EPHA5: variants seen among roughly 807,000 people sequenced by gnomAD.
EPHA5 encodes ephrin type-A receptor 5.
A neutral mutation model predicts 105.0 loss-of-function variants in EPHA5; 60 were observed. That is an observed-to-expected ratio of 0.57 (90% CI 0.46 to 0.71). EPHA5 has a LOEUF of 0.71. Ranked by LOEUF, EPHA5 falls within the 30% of genes least tolerant of loss-of-function variation. The pLI, the probability that EPHA5 is intolerant of heterozygous loss-of-function variation, is 0.00. For missense variants in EPHA5, 1,218 were observed against 1,274.7 expected (o/e 0.96, Z 0.68); for synonymous variants, 513 against 449.1 (o/e 1.14, Z -1.80).
intron 3 of EPHA5, among the ~76,000 whole-genome samples, chr4:65,548,900 G>A (rs1371429646): frequency 2.0e-5 from 3 of 152,108 alleles, no homozygotes; most frequent in African/African-American, 4.8e-5. Context: ...TTGGGACTTA[G>A]GGAACTTGGA....
intron 3 of EPHA5, among the ~76,000 whole-genome samples, chr4:65,520,489 AC>A (rs1734581541): frequency 1.3e-5 from 2 of 152,198 alleles, no homozygotes; most frequent in South Asian, 4.1e-4. Context: ...TGTCTAAAAC[AC>A]CAAAAGCAAT....
chr4:65,444,987 A>C (rs191797188), intron 5 of EPHA5, among the ~76,000 whole-genome samples: 1 of 152,236 alleles, frequency 6.6e-6, no homozygotes, highest in East Asian at 1.9e-4. Flanking sequence ...GCAAAGAAAT[A>C]AATAGTATTG....
chr4:65,429,652 C>T (rs1301307737), intron 5 of EPHA5, among the ~76,000 whole-genome samples: 1 of 151,980 alleles, frequency 6.6e-6, no homozygotes, highest in African/African-American at 2.4e-5. Flanking sequence ...AAATGAACAA[C>T]AGAATAATTT....
In EPHA5 at chr4:65,669,955, G is replaced by T; in HGVS notation, c.-213C>A. 1.5e-6 allele frequency: 1 copy of T among 654,372 alleles called. No homozygotes were observed. The highest frequency in any genetic ancestry group is 2.2e-6 in the Non-Finnish European group (1 of 461,160). 40.5% of individuals were successfully genotyped at this position (654,372 alleles called of 1,614,324 possible). ...CTCCTCTCGCCTCCCCCTTTGGTGG[G>T]GTTAAATGAAATATTAGTTCTGGTT... On this transcript the variant is annotated 5_prime_UTR_variant, in exon 1 of 17. Coordinates refer to ENST00000613740, the MANE Select transcript of EPHA5 (RefSeq NM_001281766.3).
chr4:65,493,517 A>G (rs1005297500), intron 4 of EPHA5, among the ~76,000 whole-genome samples: 1 of 152,198 alleles, frequency 6.6e-6, no homozygotes, highest in African/African-American at 2.4e-5. Context: ...TATTTGTGGT[A>G]TTATGAATGC....
intron 8 of EPHA5, among the ~76,000 whole-genome samples, chr4:65,402,019 G>A (rs1721889963): frequency 6.6e-6 from 1 of 152,066 alleles, no homozygotes; most frequent in Non-Finnish European, 1.5e-5. Flanking sequence ...CACATGTCAA[G>A]GGAGAGACCA....
intron 16 of EPHA5, among the ~76,000 whole-genome samples, chr4:65,330,008 G>T (rs1395187477): frequency 6.6e-6 from 1 of 151,338 alleles, no homozygotes; most frequent in African/African-American, 2.4e-5. Context: ...GCCTGGAGTT[G>T]CCCCAAAAAC....
chr4:65,470,503 A>G (rs930831997), intron 5 of EPHA5, among the ~76,000 whole-genome samples: 3 of 152,126 alleles, frequency 2.0e-5, no homozygotes, highest in African/African-American at 4.8e-5. Context: ...AGATTTTCCT[A>G]AATATATAAT....
chr4:65,553,640 A>G (rs2149344045), intron 3 of EPHA5, among the ~76,000 whole-genome samples: 1 of 152,180 alleles, frequency 6.6e-6, no homozygotes, highest in Non-Finnish European at 1.5e-5. Flanking sequence ...GTTATGTGTG[A>G]AGAAATGCGG....
intron 3 of EPHA5, among the ~76,000 whole-genome samples, chr4:65,511,905 G>T (rs1229696541): frequency 2.0e-5 from 3 of 152,154 alleles, no homozygotes; most frequent in Non-Finnish European, 2.9e-5. Flanking sequence ...GAAATACAGA[G>T]TAAAAGAGAG....
At chr4:65,520,612 T>G (rs1162143157) in intron 3 of EPHA5, among the ~76,000 whole-genome samples, 1 of 151,932 alleles carries the variant, frequency 6.6e-6, no homozygotes, top group Non-Finnish European at 1.5e-5. Context: ...GGGAGAAAAT[T>G]TTTGCAATCT....
intron 2 of EPHA5, among the ~76,000 whole-genome samples, chr4:65,626,460 C>G (rs1578620733): frequency 6.6e-6 from 1 of 152,186 alleles, no homozygotes; most frequent in Non-Finnish European, 1.5e-5. Context: ...GTTCAAATTT[C>G]ATTTTGTTGT....
chr4:65,496,544 AC>A (rs1278148253), intron 3 of EPHA5, among the ~76,000 whole-genome samples: 1 of 151,242 alleles, frequency 6.6e-6, no homozygotes, highest in Non-Finnish European at 1.5e-5. Flanking sequence ...CCATGTCCCT[AC>A]AAAGGACATG....
chr4:65,328,085 T>C (rs975297214), intron 16 of EPHA5, among the ~76,000 whole-genome samples: 11 of 151,226 alleles, frequency 7.3e-5, no homozygotes, highest in Non-Finnish European at 1.6e-4. Flanking sequence ...TATGTTCCCA[T>C]TATAAGTATG....
intron 2 of EPHA5, among the ~76,000 whole-genome samples, chr4:65,637,569 CATATATATATAT>C (rs34456844): frequency 1.3e-4 from 15 of 112,414 alleles, no homozygotes; most frequent in South Asian, 3.0e-4. Flanking sequence ...ATGAGTTTTG[CATATATATATAT>C]ATATATATAT....
At chr4:65,637,152 T>A (rs933531395) in intron 2 of EPHA5, among the ~76,000 whole-genome samples, 1 of 151,002 alleles carries the variant, frequency 6.6e-6, no homozygotes, top group African/African-American at 2.4e-5. Flanking sequence ...GATGCCAAAA[T>A]TCAAATGGCA....
chr4:65,358,513 G>C (rs1553899333), intron 11 of EPHA5, among the ~76,000 whole-genome samples: 2 of 151,324 alleles, frequency 1.3e-5, no homozygotes, highest in Non-Finnish European at 3.0e-5. Context: ...AAGAAACTTA[G>C]GATAACACAA....
At chr4:65,456,322 ATT>A (rs201174135) in intron 5 of EPHA5, among the ~76,000 whole-genome samples, 12 of 147,722 alleles carry the variant, frequency 8.1e-5, no homozygotes, top group African/African-American at 2.5e-4. Flanking sequence ...CTGTTCTTCG[ATT>A]TTTTTTTTTT....
chr4:65,501,234 A>G (rs1430491464), intron 3 of EPHA5, among the ~76,000 whole-genome samples: 2 of 151,478 alleles, frequency 1.3e-5, no homozygotes, highest in African/African-American at 2.4e-5. Flanking sequence ...TTATCTTCAT[A>G]TTTAAAACAT....
Sources: gnomAD v4.1 joint callset for allele counts (sites outside exome capture counted in the v4.1 genomes callset) on GRCh38, gnomAD v4.1.1 for gene constraint, MANE v1.5 for transcripts, NCBI Gene and HGNC (gene_info 2026-07-23, HGNC 2026-07-21) for gene names.